Variants in ITSN2 observed in about 807,000 individuals in gnomAD.
ITSN2 encodes the protein intersectin-2.
A neutral mutation model predicts 243.7 loss-of-function variants in ITSN2; 156 were observed. That is an observed-to-expected ratio of 0.64 (90% confidence interval 0.56 to 0.73). ITSN2 has a LOEUF of 0.73. Among genes scored for constraint, ITSN2 ranks in the 30% least tolerant of loss-of-function variants. The probability of loss-of-function intolerance (pLI) is 0.00; values close to 1 mark genes in which losing one functional copy is unlikely to be tolerated. For synonymous variants in ITSN2, 703 were observed against 699.9 expected (o/e 1.00, Z -0.07); for missense variants, 1,801 against 1,996.1 (o/e 0.90, Z 1.86).
At chr2:24,261,823 TA>T in intron 20 of ITSN2, 81 bp from the exon 21 acceptor site, 1 of 1,027,144 alleles carries the variant, frequency 9.7e-7, no homozygotes, top group Non-Finnish European at 1.4e-6. Context: ...TATTGTATAG[TA>T]TTCTCATTTT....
At chr2:24,329,145 T>C (rs1685497184) in intron 1 of ITSN2, among the ~76,000 whole-genome samples, 1 of 152,258 alleles carries the variant, frequency 6.6e-6, no homozygotes, top group Admixed American at 6.5e-5. Flanking sequence ...GCTGCTATTT[T>C]GCAAACAACC....
chr2:24,333,307 G>A (rs1046538834), intron 1 of ITSN2, among the ~76,000 whole-genome samples: 9 of 152,122 alleles, frequency 5.9e-5, no homozygotes, highest in Non-Finnish European at 1.0e-4. Context: ...CCAACACACT[G>A]GACAGCATCA....
At position 24,359,097 on chromosome 2, in the gene ITSN2, T is replaced by C. The variant is rs938764389; in HGVS notation, c.-34+1207A>G. On this transcript the variant is annotated intron_variant, in intron 1 of 39. Transcript: ENST00000355123. ...AGTCACAGGCACAGCCAAAAAAAGC[T>C]AAAGGAAAACACATCAGAGTTGTCA... Among the ~76,000 whole-genome samples the C allele has an allele frequency of 2.0e-5, 3 of 152,326 alleles. No homozygotes were observed. The East Asian group carries it at 5.8e-4, about 29-fold the overall frequency.
At position 24,340,754 on chromosome 2, in the gene ITSN2, A is replaced by C. The variant is rs570820682; in HGVS notation, c.-33-12639T>G. ...GTGTTCTCAAAAAAGGAAAAAAAAC[A>C]CACACACACACACACATATAGTATA... On this transcript the variant is annotated intron_variant, in intron 1 of 39. Coordinates refer to ENST00000355123, the MANE Select transcript of ITSN2 (RefSeq NM_006277.3). 1.9e-3 allele frequency among the ~76,000 whole-genome samples: 291 copies of C among 151,076 alleles called. 4 individuals are homozygous for C. Among genetic ancestry groups the C allele is most frequent in the African/African-American group, 7.1e-3 (289 of 40,962 alleles).
intron 32 of ITSN2, 130 bp from the exon 33 acceptor site, chr2:24,212,878 AT>A (rs1359155544): frequency 8.0e-5 from 60 of 753,684 alleles, no homozygotes; most frequent in South Asian, 3.0e-4. Context: ...CTGTTTTAGA[AT>A]TTTTTTTAGG....
chr2:24,317,640 T>C (rs938126033), intron 2 of ITSN2, among the ~76,000 whole-genome samples: 26 of 152,160 alleles, frequency 1.7e-4, no homozygotes, highest in African/African-American at 6.0e-4. Flanking sequence ...AAATTACAGA[T>C]TGACAGATTA....
intron 1 of ITSN2, among the ~76,000 whole-genome samples, chr2:24,352,433 A>C (rs1156372747): frequency 6.6e-6 from 1 of 152,184 alleles, no homozygotes; most frequent in Non-Finnish European, 1.5e-5. Flanking sequence ...ATAAAAGGAC[A>C]TGTTTTTCTC....
chr2:24,348,838 A>G (rs900587361), intron 1 of ITSN2, among the ~76,000 whole-genome samples: 1 of 152,234 alleles, frequency 6.6e-6, no homozygotes, highest in Non-Finnish European at 1.5e-5. Flanking sequence ...CTATGCTATC[A>G]AGCCAATTTG....
intron 18 of ITSN2, chr2:24,273,627 G>C (rs1330105324): frequency 6.6e-6 from 1 of 152,052 alleles, no homozygotes; most frequent in Non-Finnish European, 1.5e-5. Flanking sequence ...TATGAGACTA[G>C]GACAACCTGG....
At chr2:24,228,805 A>T (rs1055723386) in intron 29 of ITSN2, among the ~76,000 whole-genome samples, 55 of 152,326 alleles carry the variant, frequency 3.6e-4, no homozygotes, top group African/African-American at 1.3e-3. Context: ...GATACAAATA[A>T]AAGTATTAAA....
intron 38 of ITSN2, 72 bp downstream of exon 38, chr2:24,205,142 G>C (rs1668734504): frequency 1.6e-6 from 2 of 1,270,378 alleles, no homozygotes; most frequent in South Asian, 2.4e-5. Flanking sequence ...CTGAGACTCT[G>C]TCTCAAAAAG....
At chr2:24,207,634 A>AGC (rs1468402224) in intron 37 of ITSN2, among the ~76,000 whole-genome samples, 6 of 152,032 alleles carry the variant, frequency 3.9e-5, no homozygotes. Flanking sequence ...GAGGGAAGGC[A>AGC]GCGCCTCAGT....
intron 37 of ITSN2, chr2:24,206,351 G>A: frequency 5.4e-6 from 2 of 367,798 alleles, no homozygotes; most frequent in Non-Finnish European, 1.1e-5. Context: ...AGGAGGGCAG[G>A]CTGCATGGGG....
chr2:24,255,721 G>T (rs1446472172), intron 23 of ITSN2, among the ~76,000 whole-genome samples: 6 of 152,134 alleles, frequency 3.9e-5, no homozygotes, highest in African/African-American at 1.4e-4. Context: ...GAGGTCAGGA[G>T]TTCGAGACCA....
At chr2:24,234,147 CAG>C (rs1401102627) in intron 29 of ITSN2, among the ~76,000 whole-genome samples, 1 of 151,840 alleles carries the variant, frequency 6.6e-6, no homozygotes, top group Non-Finnish European at 1.5e-5. Flanking sequence ...ATCAATGAAA[CAG>C]AATAGAGCCC....
chr2:24,270,596 C>G, intron 20 of ITSN2, 75 bp downstream of exon 20: 1 of 732,398 alleles, frequency 1.4e-6, no homozygotes, highest in East Asian at 2.6e-5. Context: ...AATTAATGGT[C>G]AACATTACTA....
At chr2:24,352,994 C>T (rs1204483690) in intron 1 of ITSN2, among the ~76,000 whole-genome samples, 1 of 152,180 alleles carries the variant, frequency 6.6e-6, no homozygotes, top group Non-Finnish European at 1.5e-5. Context: ...ACAGATGCTT[C>T]ACTTTCAAGT....
chr2:24,324,076 CA>C, intron 2 of ITSN2, among the ~76,000 whole-genome samples: 1 of 152,108 alleles, frequency 6.6e-6, no homozygotes, highest in East Asian at 1.9e-4. Context: ...ACTAAAAATA[CA>C]AAAACTTAGC....
chr2:24,261,302 G>T, intron 21 of ITSN2, 52 bp from the exon 22 acceptor site: 5 of 1,301,722 alleles, frequency 3.8e-6, no homozygotes, highest in Non-Finnish European at 5.4e-6. Context: ...AGAACTTAAT[G>T]AAGTACTACC....
Sources: gnomAD v4.1 joint callset for allele counts (sites outside exome capture counted in the v4.1 genomes callset) on GRCh38, gnomAD v4.1.1 for gene constraint, MANE v1.5 for transcripts, NCBI Gene and HGNC (gene_info 2026-07-23, HGNC 2026-07-21) for gene names.